Variants in DCTD observed in about 807,000 individuals in gnomAD.
DCTD encodes dCMP deaminase.
In DCTD, 23 loss-of-function variants were observed where a neutral mutation model predicts 21.0. The observed-to-expected ratio is 1.09, with a 90% CI of 0.79 to 1.55. The LOEUF is 1.55. Ranked by LOEUF, DCTD falls within the 40% of genes most tolerant of loss-of-function variation. DCTD has a pLI of 0.00. For synonymous variants in DCTD, 71 were observed against 81.1 expected, an observed-to-expected ratio of 0.88 and a Z score of 0.67; for missense variants, 224 against 230.0, an observed-to-expected ratio of 0.97 and a Z score of 0.17.
rs965237149 is a variant in DCTD, at chr4:182,894,564, T to C, written c.286A>G (p.Thr96Ala). 3.7e-6 allele frequency: 6 copies of C among 1,614,134 alleles called. No individual in the cohort carries two copies. The highest frequency in any genetic ancestry group is 5.1e-6 in the Non-Finnish European group (6 of 1,180,008). The change falls in exon 4 of 6, where the codon ACC becomes GCC. Residue 96 changes from threonine to alanine, a missense_variant. Transcript: ENST00000438320. ...TACATACTACAGCCTTTCACATCGG[T>C]CGAATTTTTGTTCATGATGGCATTC... Reference protein sequence around the residue: ...ELNAIMNKNSTDVKGCSMYVA... With the variant: ...ELNAIMNKNSADVKGCSMYVA...
chr4:182,909,480 A>G (rs1486109440), intron 3 of DCTD, among the ~76,000 whole-genome samples: 1 of 152,252 alleles, frequency 6.6e-6, no homozygotes, highest in African/African-American at 2.4e-5. Flanking sequence ...CTGTCGGGCC[A>G]CAACTAGTAG....
chr4:182,907,411 T>C (rs1489384644), intron 3 of DCTD, among the ~76,000 whole-genome samples: 2 of 152,236 alleles, frequency 1.3e-5, no homozygotes, highest in Non-Finnish European at 2.9e-5. Context: ...GTGCTGGGAT[T>C]ACAGGCGTGC....
At chr4:182,903,639 G>A (rs1736145846) in intron 3 of DCTD, among the ~76,000 whole-genome samples, 1 of 152,018 alleles carries the variant, frequency 6.6e-6, no homozygotes, top group Admixed American at 6.5e-5. Context: ...GTAAAAGGCA[G>A]CCCATCCTGC....
At chr4:182,892,798 C>T (rs757246191) in intron 5 of DCTD, among the ~76,000 whole-genome samples, 10 of 152,138 alleles carry the variant, frequency 6.6e-5, no homozygotes, top group Non-Finnish European at 8.8e-5. Flanking sequence ...CTAATTACCC[C>T]GGAAAGTTAC....
chr4:182,897,134 A>G (rs950519116), intron 3 of DCTD, among the ~76,000 whole-genome samples: 1 of 152,200 alleles, frequency 6.6e-6, no homozygotes, highest in Non-Finnish European at 1.5e-5. Context: ...GTCTGGATTC[A>G]TTAGTGAAAA....
At chr4:182,900,946 A>G (rs924959321) in intron 3 of DCTD, among the ~76,000 whole-genome samples, 1 of 152,112 alleles carries the variant, frequency 6.6e-6, no homozygotes, top group African/African-American at 2.4e-5. Flanking sequence ...GTATAATTAG[A>G]AAACTGTATT....
rs545232394 is a variant in DCTD at position 182,897,235 on chromosome 4, G to A, written c.245-2630C>T. Among the ~76,000 whole-genome samples the A allele has an allele frequency of 7.2e-5, 11 of 151,918 alleles. No individual in the cohort carries two copies. In the East Asian group the frequency reaches 1.9e-3, roughly 27 times the overall value. On this transcript the variant is annotated intron_variant, in intron 3 of 5. Transcript: ENST00000438320. The stretch of plus-strand genomic sequence containing the variant: ...GAAATAATGCACAGCATTATAAACA[G>A]ACTTCCTTTCTTTTAACCAAAAAAT...
At chr4:182,910,043 A>G (rs1266020976) in intron 3 of DCTD, among the ~76,000 whole-genome samples, 1 of 152,094 alleles carries the variant, frequency 6.6e-6, no homozygotes, top group Non-Finnish European at 1.5e-5. Flanking sequence ...CTCGGGTAAG[A>G]GCCCCACTTC....
intron 3 of DCTD, among the ~76,000 whole-genome samples, chr4:182,906,685 G>T (rs1736778487): frequency 6.6e-6 from 1 of 152,224 alleles, no homozygotes; most frequent in Non-Finnish European, 1.5e-5. Flanking sequence ...AAAAATGACA[G>T]AAGAATTCTG....
intron 4 of DCTD, 33 bp downstream of exon 4, chr4:182,894,456 C>T: frequency 7.5e-7 from 1 of 1,331,100 alleles, no homozygotes; most frequent in Non-Finnish European, 1.1e-6. Flanking sequence ...GGCAGCAATG[C>T]AAATGTGACA....
chr4:182,896,161 T>C (rs149446406), intron 3 of DCTD, among the ~76,000 whole-genome samples: 23 of 152,290 alleles, frequency 1.5e-4, no homozygotes, highest in Middle Eastern at 6.8e-3. Flanking sequence ...CGCTCATACA[T>C]TTCAGTCCCG....
chr4:182,899,830 G>C (rs1260309839), intron 3 of DCTD, among the ~76,000 whole-genome samples: 14 of 152,114 alleles, frequency 9.2e-5, no homozygotes, highest in Admixed American at 9.2e-4. Context: ...GGTGGTCTGG[G>C]GCTTCCATGT....
intron 3 of DCTD, among the ~76,000 whole-genome samples, chr4:182,901,597 C>T (rs1323813851): frequency 5.3e-5 from 8 of 152,086 alleles, no homozygotes; most frequent in Non-Finnish European, 1.0e-4. Flanking sequence ...GTTCAGAGCA[C>T]GGACAGTTCT....
intron 3 of DCTD, among the ~76,000 whole-genome samples, chr4:182,913,067 T>C (rs889330047): frequency 6.6e-6 from 1 of 152,244 alleles, no homozygotes; most frequent in Admixed American, 6.5e-5. Context: ...ACCATTTTTA[T>C]AGGGGACTTT....
intron 3 of DCTD, chr4:182,911,108 TG>T (rs1737588255): frequency 6.6e-6 from 1 of 152,212 alleles, no homozygotes; most frequent in Non-Finnish European, 1.5e-5. Flanking sequence ...TTCTGGAGGC[TG>T]GAAGTCAGGA....
chr4:182,893,710 C>T (rs983137880), intron 4 of DCTD, among the ~76,000 whole-genome samples: 1 of 152,110 alleles, frequency 6.6e-6, no homozygotes, highest in African/African-American at 2.4e-5. Flanking sequence ...ACTGCTCGGC[C>T]CACAGGCCTG....
intron 3 of DCTD, among the ~76,000 whole-genome samples, chr4:182,905,253 G>A (rs1339334239): frequency 6.6e-6 from 1 of 151,222 alleles, no homozygotes; most frequent in Non-Finnish European, 1.5e-5. Flanking sequence ...TGACCTCCAC[G>A]TTGCTGAACC....
chr4:182,914,034 G>C (rs1022067875), intron 3 of DCTD, among the ~76,000 whole-genome samples: 1 of 152,130 alleles, frequency 6.6e-6, no homozygotes, highest in Non-Finnish European at 1.5e-5. Context: ...TTGAGACAGA[G>C]TCTTGCTCTG....
At chr4:182,902,182 A>G (rs13147196) in intron 3 of DCTD, among the ~76,000 whole-genome samples, 36,548 of 152,128 alleles carry the variant, frequency 0.24, 4,458 homozygotes, top group Non-Finnish European at 0.28. Context: ...TAACAACGGA[A>G]TAGCCGCGAC....
Sources: gnomAD v4.1 joint callset for allele counts (sites outside exome capture counted in the v4.1 genomes callset) on GRCh38, gnomAD v4.1.1 for gene constraint, MANE v1.5 for transcripts, NCBI Gene and HGNC (gene_info 2026-07-23, HGNC 2026-07-21) for gene names.